The following ERC2 variants were observed in gnomAD, a reference collection of about 807,000 sequenced individuals.
ERC2 encodes ELKS/RAB6-interacting/CAST family member 2.
A neutral mutation model predicts 114.8 loss-of-function variants in ERC2; 42 were observed. That is an observed-to-expected ratio of 0.37 (90% CI 0.29 to 0.47). The LOEUF is 0.47. Among genes scored for constraint, ERC2 ranks in the 20% least tolerant of loss-of-function variants. The pLI, the probability that ERC2 is intolerant of heterozygous loss-of-function variation, is 0.99. For missense variants in ERC2, 939 were observed against 1,150.7 expected (o/e 0.82, Z 2.66); for synonymous variants, 454 against 425.5 (o/e 1.07, Z -0.82).
intron 17 of ERC2, among the ~76,000 whole-genome samples, chr3:55,661,753 C>A (rs2061146013): frequency 1.3e-5 from 2 of 152,078 alleles, no homozygotes; most frequent in Non-Finnish European, 1.5e-5. Flanking sequence ...CATCTCAACA[C>A]AGCACAGTCA....
At chr3:55,936,369 C>T (rs1312142721) in intron 13 of ERC2, among the ~76,000 whole-genome samples, 1 of 152,132 alleles carries the variant, frequency 6.6e-6, no homozygotes, top group Non-Finnish European at 1.5e-5. Flanking sequence ...GTAAGATAGT[C>T]CTACATTCTA....
At chr3:56,258,541 C>T (rs1035126008) in intron 3 of ERC2, among the ~76,000 whole-genome samples, 5 of 152,164 alleles carry the variant, frequency 3.3e-5, no homozygotes, top group Non-Finnish European at 7.3e-5. Flanking sequence ...GTAGTCCCAG[C>T]TACTCGGGAG....
chr3:56,249,940 C>T (rs563701415), intron 3 of ERC2, among the ~76,000 whole-genome samples: 1 of 150,024 alleles, frequency 6.7e-6, no homozygotes, highest in Admixed American at 6.7e-5. Flanking sequence ...TCACCACAAC[C>T]TCCACCTCCC....
chr3:56,239,317 G>C (rs1038239827), intron 3 of ERC2, among the ~76,000 whole-genome samples: 1 of 151,958 alleles, frequency 6.6e-6, no homozygotes, highest in Non-Finnish European at 1.5e-5. Context: ...AGGAGTTTGC[G>C]ACCAGCGTGG....
At chr3:56,360,476 T>C (rs528405047) in intron 2 of ERC2, among the ~76,000 whole-genome samples, 4 of 152,150 alleles carry the variant, frequency 2.6e-5, no homozygotes, top group Non-Finnish European at 5.9e-5. Flanking sequence ...GTAATGATGA[T>C]ACAATGTGAA....
At chr3:55,597,566 G>GA (rs2058206847) in intron 17 of ERC2, among the ~76,000 whole-genome samples, 1 of 152,082 alleles carries the variant, frequency 6.6e-6, no homozygotes, top group Admixed American at 6.5e-5. Flanking sequence ...CCTTAAGTCC[G>GA]GTAGTTCTTC....
chr3:56,143,440 G>A (rs1019052898), intron 5 of ERC2, among the ~76,000 whole-genome samples: 2 of 152,118 alleles, frequency 1.3e-5, no homozygotes, highest in African/African-American at 4.8e-5. Context: ...CATGGGGGAG[G>A]GGCCAGTCTT....
intron 14 of ERC2, among the ~76,000 whole-genome samples, chr3:55,815,005 C>T (rs1056909492): frequency 5.9e-5 from 9 of 152,184 alleles, no homozygotes; most frequent in African/African-American, 1.9e-4. Context: ...AGCTGCCCAT[C>T]CCATCTTACT....
At chr3:55,854,699 G>A (rs1184307046) in intron 14 of ERC2, among the ~76,000 whole-genome samples, 4 of 152,218 alleles carry the variant, frequency 2.6e-5, no homozygotes, top group Admixed American at 6.5e-5. Flanking sequence ...AGTCTGGCAC[G>A]GAGCAGCAGG....
chr3:56,167,853 C>T (rs549108855), intron 4 of ERC2, among the ~76,000 whole-genome samples: 26 of 152,114 alleles, frequency 1.7e-4, no homozygotes, highest in African/African-American at 6.0e-4. Flanking sequence ...ATTTGGAGCC[C>T]TATTTGGAGC....
chr3:56,200,199 A>G (rs1281585773), intron 3 of ERC2, among the ~76,000 whole-genome samples: 2 of 152,008 alleles, frequency 1.3e-5, no homozygotes, highest in African/African-American at 2.4e-5. Flanking sequence ...CCTCACCATT[A>G]CTGCATTACT....
chr3:55,841,903 T>A (rs1261934743), intron 14 of ERC2, among the ~76,000 whole-genome samples: 1 of 152,168 alleles, frequency 6.6e-6, no homozygotes, highest in African/African-American at 2.4e-5. Context: ...CATCTCGTCT[T>A]GAAAACATCC....
At chr3:56,004,666 G>A (rs1296106057) in intron 10 of ERC2, among the ~76,000 whole-genome samples, 1 of 151,940 alleles carries the variant, frequency 6.6e-6, no homozygotes, top group African/African-American at 2.4e-5. Flanking sequence ...TCTGTTCAAC[G>A]ACACACATCT....
chr3:55,734,680 G>A, intron 15 of ERC2, 91 bp downstream of exon 15: 13 of 1,487,246 alleles, frequency 8.7e-6, no homozygotes, highest in Non-Finnish European at 1.2e-5. Context: ...CCACAGGATG[G>A]ACATGGGAAA....
intron 4 of ERC2, among the ~76,000 whole-genome samples, chr3:56,167,675 A>G (rs533670250): frequency 3.3e-5 from 5 of 152,178 alleles, no homozygotes; most frequent in African/African-American, 1.2e-4. Flanking sequence ...AAGAAAAAAA[A>G]GTAAGCTAAA....
At chr3:55,827,076 G>C (rs1039779140) in intron 14 of ERC2, among the ~76,000 whole-genome samples, 1 of 152,212 alleles carries the variant, frequency 6.6e-6, no homozygotes. Flanking sequence ...AAGTAACACG[G>C]TCTAATTGTT....
At chr3:56,111,424 C>G (rs1017978221) in intron 6 of ERC2, among the ~76,000 whole-genome samples, 1 of 151,656 alleles carries the variant, frequency 6.6e-6, no homozygotes, top group African/African-American at 2.4e-5. Flanking sequence ...ATCCCCCCCT[C>G]TCTCTCACCA....
At chr3:55,557,100 A>G (rs1254279475) in intron 17 of ERC2, among the ~76,000 whole-genome samples, 1 of 152,220 alleles carries the variant, frequency 6.6e-6, no homozygotes, top group Non-Finnish European at 1.5e-5. Flanking sequence ...GGGAATAAAA[A>G]GTTCTGCTGA....
intron 3 of ERC2, among the ~76,000 whole-genome samples, chr3:56,186,533 GT>G (rs1224015490): frequency 6.6e-6 from 1 of 151,958 alleles, no homozygotes; most frequent in Admixed American, 6.6e-5. Flanking sequence ...TTGTTTGTTT[GT>G]TTTGTTTTGT....
Sources: allele counts gnomAD v4.1 joint callset (sites outside exome capture counted in the v4.1 genomes callset), GRCh38; gene constraint gnomAD v4.1.1; transcripts MANE v1.5; gene names NCBI Gene and HGNC (gene_info 2026-07-23, HGNC 2026-07-21).